FAM110A: variants seen among roughly 807,000 people sequenced by gnomAD.
FAM110A encodes protein FAM110A.
A neutral mutation model predicts 4.0 loss-of-function variants in FAM110A; 1 was observed. The ratio of observed to expected loss-of-function variants is 0.25; its 90% confidence interval spans 0.09 to 1.20. The LOEUF (loss-of-function observed/expected upper bound fraction) is 1.20. Among genes scored for constraint, FAM110A ranks in the 50% most tolerant of loss-of-function variants. The pLI, the probability that FAM110A is intolerant of heterozygous loss-of-function variation, is 0.50. For missense variants in FAM110A, 436 were observed against 429.2 expected, an observed-to-expected ratio of 1.02 and a Z score of -0.14; for synonymous variants, 217 against 196.8, an observed-to-expected ratio of 1.10 and a Z score of -0.86.
intron 1 of FAM110A, among the ~76,000 whole-genome samples, chr20:843,480 T>C (rs2122690246): frequency 6.6e-6 from 1 of 152,322 alleles, no homozygotes; most frequent in South Asian, 2.1e-4. Context: ...AATTTTATGT[T>C]TTTATTTCAT....
In FAM110A at chr20:836,317, C is replaced by T. The variant is rs79709312; in HGVS notation, c.-98+2366C>T. ...AAAATAAAATTTACCATTGTAACCA[C>T]TTTTAAGTATACAGTTCAGTGGCAT... On this transcript the variant is annotated intron_variant, in intron 1 of 1. Coordinates refer to ENST00000381941, the MANE Select transcript of FAM110A (RefSeq NM_001042353.3). Among the ~76,000 whole-genome samples the T allele has an allele frequency of 5.0e-3, 755 of 151,972 alleles. 3 individuals carry two copies. The highest frequency in any genetic ancestry group is 9.1e-3 in the Non-Finnish European group (620 of 67,972).
chr20:845,410 C>G lies in FAM110A; in HGVS notation c.606C>G (p.Leu202=), dbSNP rs774481619. 1.2e-6 allele frequency: 2 copies of G among 1,613,760 alleles called. No homozygotes were observed. Among genetic ancestry groups the G allele is most frequent in the Non-Finnish European group, 1.7e-6 (2 of 1,179,878 alleles). ...SERFSRAAAD[L]ERFFNFCGLD... ...GCTTTTCTAGGGCAGCCGCTGATCT[C>G]GAGCGCTTTTTTAACTTCTGCGGCC... is the stretch of plus-strand genomic sequence containing the variant. Residue 202 remains leucine, a synonymous_variant, in exon 2 of 2, where the codon CTC becomes CTG. Coordinates refer to ENST00000381941, the MANE Select transcript of FAM110A (RefSeq NM_001042353.3).
In FAM110A at chr20:844,690, C is replaced by T. The variant is rs1014724232; in HGVS notation, c.-97-18C>T. 1,518 of 946,996 alleles carry T rather than the reference C, an allele frequency of 1.6e-3. 3 individuals carry two copies. The highest frequency in any genetic ancestry group is 0.013 in the South Asian group (274 of 21,872). The allele number at this position is 946,996 out of a possible 1,614,324, so 58.7% of individuals were successfully genotyped here. A position where few individuals can be genotyped will look rare whatever the true frequency, so the allele number is the denominator to read the frequency against. On this transcript the variant is annotated intron_variant, in intron 1 of 1. Coordinates refer to ENST00000381941, the MANE Select transcript of FAM110A (RefSeq NM_001042353.3). The stretch of plus-strand genomic sequence containing the variant: ...GCGCGCTCGGCTTTTTTTTTTTTTT[C>T]TCTCTCCTTCCCTGCAGCAGTGGCC...
At chr20:839,822 G>A in intron 1 of FAM110A, 7 of 1,598,298 alleles carry the variant, frequency 4.4e-6, no homozygotes, top group Non-Finnish European at 5.1e-6. Context: ...CCCGGGACTT[G>A]AGAGACTGCA....
chr20:845,652 G>A lies in FAM110A; in HGVS notation c.848G>A (p.Gly283Glu), dbSNP rs1247176007. The A allele has an allele frequency of 1.2e-6, 2 of 1,614,178 alleles. No homozygotes were observed. Among genetic ancestry groups the A allele is most frequent in the Non-Finnish European group, 1.7e-6 (2 of 1,180,042 alleles). ...RNARVIKWLY[G>E]LRQARESPAA... ...GCCCGCGTGATCAAGTGGTTGTATG[G>A]GCTAAGGCAGGCTCGGGAGAGCCCA... The change falls in exon 2 of 2, where the codon GGG (glycine) becomes GAG (glutamate). Residue 283 changes from glycine (G) to glutamate (E), a missense_variant. Physicochemically the swap from Gly to Glu is moderately conservative, Grantham distance 98 (BLOSUM62 -2). Transcript: ENST00000381941.
chr20:837,079 G>A (rs961760169), intron 1 of FAM110A, among the ~76,000 whole-genome samples: 11 of 131,678 alleles, frequency 8.4e-5, no homozygotes, highest in African/African-American at 2.9e-4. Context: ...TGAGACAAGA[G>A]TTTCGCTCTG....
intron 1 of FAM110A, 106 bp from the exon 2 acceptor site, chr20:844,602 T>A (rs1215434060): frequency 8.2e-6 from 6 of 729,672 alleles, no homozygotes; most frequent in Non-Finnish European, 1.2e-5. Flanking sequence ...AGGGGCGTGG[T>A]CTCTACCTTA....
chr20:836,403 T>C (rs1439308776), intron 1 of FAM110A, among the ~76,000 whole-genome samples: 1 of 152,216 alleles, frequency 6.6e-6, no homozygotes, highest in Non-Finnish European at 1.5e-5. Context: ...TACTTTCTGT[T>C]TGAGTGAATT....
rs147827038 is a variant in FAM110A, at chr20:837,084, G to A, written c.-98+3133G>A. Among the ~76,000 whole-genome samples, 503 of 125,226 alleles carry A rather than the reference G, an allele frequency of 4.0e-3. 5 individuals carry two copies. Among genetic ancestry groups the A allele is most frequent in the African/African-American group, 0.015 (466 of 32,130 alleles). The allele number at this position is 125,226 out of a possible 152,430, so 82.2% of individuals were successfully genotyped here. A position where few individuals can be genotyped will look rare whatever the true frequency, so the allele number is the denominator to read the frequency against. Reference sequence around the variant, plus strand: ...TTTTTTTTTTTGAGACAAGAGTTTCGCTCTGTCGCCCAGGCTGGAGTGCAG... The same window carrying A: ...TTTTTTTTTTTGAGACAAGAGTTTCACTCTGTCGCCCAGGCTGGAGTGCAG... On this transcript the variant is annotated intron_variant, in intron 1 of 1. Coordinates refer to ENST00000381941, the MANE Select transcript of FAM110A (RefSeq NM_001042353.3).
Position 846,002 on chromosome 20 carries a change from A to G in FAM110A, c.*310A>G. 5.2e-6 allele frequency: 2 copies of G among 386,384 alleles called. No individual in the cohort carries two copies. Among genetic ancestry groups the G allele is most frequent in the Non-Finnish European group, 9.8e-6 (2 of 204,524 alleles). The allele number at this position is 386,384 out of a possible 1,614,324, so 23.9% of individuals were successfully genotyped here. On this transcript the variant is annotated 3_prime_UTR_variant, in exon 2 of 2. Transcript: ENST00000381941. The stretch of plus-strand genomic sequence containing the variant: ...GCATTTGCGGTGCTTTGCCCTCCCC[A>G]CTGTGAGTGAGGGGCCAAGGGATCT...
chr20:842,226 G>C (rs57833525), intron 1 of FAM110A, among the ~76,000 whole-genome samples: 10,527 of 152,320 alleles, frequency 0.069, 421 homozygotes, highest in African/African-American at 0.11. Flanking sequence ...GGCCCGCGGC[G>C]CCAAACCCGG....
chr20:844,561 T>G, intron 1 of FAM110A, 147 bp from the exon 2 acceptor site: 1 of 449,966 alleles, frequency 2.2e-6, no homozygotes, highest in Non-Finnish European at 3.6e-6. Context: ...CCGCAGCTGC[T>G]GCCTTGTGCC....
At chr20:842,958 T>TG (rs1980021404) in intron 1 of FAM110A, among the ~76,000 whole-genome samples, 1 of 152,068 alleles carries the variant, frequency 6.6e-6, no homozygotes, top group Admixed American at 6.5e-5. Flanking sequence ...ATCTTGAAAC[T>TG]GGGGTATAGT....
rs1358062560 is a variant in FAM110A, at chr20:845,203, C to T, written c.399C>T (p.Ala133=). The T allele has an allele frequency of 3.9e-6, 6 of 1,554,824 alleles. No individual in the cohort carries two copies. Among genetic ancestry groups the T allele is most frequent in the South Asian group, 3.6e-5 (3 of 84,116 alleles). ...ASRTPGRAEG[A]GRPPPATPPR... is the part of the protein sequence containing the mutation. ...GCACTCCTGGACGGGCCGAGGGAGCCGGCCGTCCTCCCCCAGCCACCCCTC... is the reference window on the plus strand; with the variant it reads ...GCACTCCTGGACGGGCCGAGGGAGCTGGCCGTCCTCCCCCAGCCACCCCTC... The change falls in exon 2 of 2, where the codon GCC becomes GCT. Residue 133 remains alanine, a synonymous_variant. Transcript: ENST00000381941.
rs144523146 is a variant in FAM110A at position 840,709 on chromosome 20, C to T, written c.-97-3999C>T. Among the ~76,000 whole-genome samples the T allele has an allele frequency of 2.0e-5, 3 of 152,314 alleles. No homozygotes were observed. Among genetic ancestry groups the T allele is most frequent in the African/African-American group, 7.2e-5 (3 of 41,574 alleles). ...AGCATGGAGCACCAGGAGGGTCCCGCAGCCTGGTCAGGGACACACAGCTAG... is the reference window on the plus strand; with the variant it reads ...AGCATGGAGCACCAGGAGGGTCCCGTAGCCTGGTCAGGGACACACAGCTAG... On this transcript the variant is annotated intron_variant, in intron 1 of 1. Transcript: ENST00000381941. The surrounding 1 kb of genome is among the most constrained non-coding windows in gnomAD (Gnocchi z 4.4).
intron 1 of FAM110A, among the ~76,000 whole-genome samples, chr20:837,010 C>T (rs1382212844): frequency 2.3e-5 from 3 of 129,474 alleles, no homozygotes; most frequent in Non-Finnish European, 5.0e-5. Flanking sequence ...CATTTGTTAT[C>T]TTTGGAGAAA....
intron 1 of FAM110A, among the ~76,000 whole-genome samples, chr20:836,972 T>C (rs189496461): frequency 2.2e-4 from 33 of 152,176 alleles, no homozygotes; most frequent in Admixed American, 1.5e-3. Context: ...ACTAATGGTG[T>C]TGAGCATCTT....
At chr20:835,416 C>T (rs1266018051) in intron 1 of FAM110A, among the ~76,000 whole-genome samples, 1 of 152,004 alleles carries the variant, frequency 6.6e-6, no homozygotes, top group Non-Finnish European at 1.5e-5. Flanking sequence ...GGGCAGAGGG[C>T]AGTCTAGGAT....
rs150839256 is a variant in FAM110A at position 845,713 on chromosome 20, C to A, written c.*21C>A. 1,272 of 1,613,440 alleles carry A rather than the reference C, an allele frequency of 7.9e-4. 10 individuals carry two copies. The African/African-American group carries it at 0.015, about 19-fold the overall frequency. ...GCTAGGCGCCACTGGGCCTGGAATT[C>A]GCCACAGGACGGATCTTACAGAGGC... On this transcript the variant is annotated 3_prime_UTR_variant, in exon 2 of 2. Transcript: ENST00000381941.
Sources: allele counts gnomAD v4.1 joint callset (sites outside exome capture counted in the v4.1 genomes callset), GRCh38; gene constraint gnomAD v4.1.1; non-coding constraint Gnocchi (gnomAD v3.1); transcripts MANE v1.5; gene names NCBI Gene and HGNC (gene_info 2026-07-23, HGNC 2026-07-21).